STK17B: variants seen among roughly 807,000 people sequenced by gnomAD.
STK17B encodes serine/threonine kinase 17b, also known as serine/threonine-protein kinase 17B.
In STK17B, 21 loss-of-function variants were observed where a neutral mutation model predicts 42.0. The ratio of observed to expected loss-of-function variants is 0.50; its 90% CI spans 0.35 to 0.72. The LOEUF (loss-of-function observed/expected upper bound fraction) is 0.72, where lower values mean the gene tolerates loss of function less well. Among genes scored for constraint, STK17B ranks in the 30% least tolerant of loss-of-function variants. The probability of loss-of-function intolerance (pLI) is 0.00; values close to 1 mark genes in which losing one functional copy is unlikely to be tolerated. For missense variants in STK17B, 349 were observed against 446.0 expected, an observed-to-expected ratio of 0.78 and a Z score of 1.96; for synonymous variants, 143 against 148.4, an observed-to-expected ratio of 0.96 and a Z score of 0.26.
chr2:196,146,109 T>C (rs1699570613), intron 3 of STK17B, 54 bp from the exon 4 acceptor site: 4 of 1,479,960 alleles, frequency 2.7e-6, no homozygotes, highest in African/African-American at 1.4e-5. Flanking sequence ...CTAAACACTT[T>C]TAAATATTGT....
At chr2:196,153,235 C>A (rs1699690560) in intron 3 of STK17B, 1 of 41,822 alleles carries the variant, frequency 2.4e-5, no homozygotes, top group African/African-American at 5.9e-5. Context: ...GGACTATAGT[C>A]TAAGTGCAAA....
intron 1 of STK17B, among the ~76,000 whole-genome samples, chr2:196,165,384 G>C (rs1699864469): frequency 6.6e-6 from 1 of 152,134 alleles, no homozygotes; most frequent in South Asian, 2.1e-4. Flanking sequence ...TATTTAAAAA[G>C]AAAACAAAAT....
At chr2:196,150,191 A>T (rs1699645740) in intron 3 of STK17B, among the ~76,000 whole-genome samples, 1 of 151,436 alleles carries the variant, frequency 6.6e-6, no homozygotes, top group African/African-American at 2.4e-5. Context: ...AAAAAAAAAA[A>T]AAAAAAAAAA....
chr2:196,167,967 T>C (rs1163565141), intron 1 of STK17B, among the ~76,000 whole-genome samples: 1 of 152,214 alleles, frequency 6.6e-6, no homozygotes, highest in Non-Finnish European at 1.5e-5. Flanking sequence ...AAGGAAGAAC[T>C]TTCTCCTGGT....
upstream of STK17B, among the ~76,000 whole-genome samples, chr2:196,172,738 G>A (rs115433611): frequency 6.6e-6 from 1 of 152,332 alleles, no homozygotes; most frequent in Non-Finnish European, 1.5e-5. Context: ...CCTAAACCTT[G>A]TCAAATGGAG....
At chr2:196,161,675 T>C (rs1283573297) in intron 2 of STK17B, among the ~76,000 whole-genome samples, 4 of 151,846 alleles carry the variant, frequency 2.6e-5, no homozygotes, top group Non-Finnish European at 1.5e-5. Flanking sequence ...CACGCCACCA[T>C]GCCTGGCTAA....
At chr2:196,153,619 C>CA (rs1699698182) in intron 3 of STK17B, 2 of 152,134 alleles carry the variant, frequency 1.3e-5, no homozygotes, top group Admixed American at 1.3e-4. Flanking sequence ...CAGAACTTCT[C>CA]AGAGAGATGG....
At chr2:196,139,068 G>A (rs956584657) in intron 7 of STK17B, among the ~76,000 whole-genome samples, 11 of 151,794 alleles carry the variant, frequency 7.2e-5, no homozygotes, top group African/African-American at 2.4e-4. Context: ...CCGGATTCAC[G>A]CCATTCTGCC....
chr2:196,173,931 C>T (rs994314342), upstream of STK17B, among the ~76,000 whole-genome samples: 9 of 152,070 alleles, frequency 5.9e-5, no homozygotes, highest in South Asian at 4.2e-4. Context: ...ATATGAGTGG[C>T]CCCTGATCCA....
intron 3 of STK17B, among the ~76,000 whole-genome samples, chr2:196,149,127 G>C (rs1699624991): frequency 6.6e-6 from 1 of 151,654 alleles, no homozygotes; most frequent in South Asian, 2.1e-4. Context: ...TTATCACAGT[G>C]TCTGACACAC....
chr2:196,154,629 A>G (rs13025968), intron 3 of STK17B: 1 of 152,000 alleles, frequency 6.6e-6, no homozygotes, highest in African/African-American at 2.4e-5. Flanking sequence ...GGGAAGAAAA[A>G]GTGTGTAGGA....
At chr2:196,147,793 G>A (rs911989832) in intron 3 of STK17B, among the ~76,000 whole-genome samples, 2 of 150,018 alleles carry the variant, frequency 1.3e-5, no homozygotes, top group Admixed American at 6.7e-5. Flanking sequence ...GTGCAGTGGC[G>A]CCATCTCGGC....
chr2:196,173,876 G>A (rs1398780438), upstream of STK17B, among the ~76,000 whole-genome samples: 1 of 152,150 alleles, frequency 6.6e-6, no homozygotes, highest in Non-Finnish European at 1.5e-5. Flanking sequence ...ATGACCGTAT[G>A]TGGAGATAGG....
upstream of STK17B, among the ~76,000 whole-genome samples, chr2:196,172,542 G>A (rs1699961013): frequency 6.6e-6 from 1 of 152,204 alleles, no homozygotes; most frequent in Admixed American, 6.5e-5. Flanking sequence ...TGTTCAGTTA[G>A]CATATAAAGG....
intron 4 of STK17B, among the ~76,000 whole-genome samples, chr2:196,144,879 A>C (rs1054846908): frequency 2.0e-5 from 3 of 152,142 alleles, no homozygotes; most frequent in Admixed American, 6.5e-5. Context: ...TTATTACTAA[A>C]GCACAGAGCC....
intron 5 of STK17B, among the ~76,000 whole-genome samples, chr2:196,142,351 C>A (rs1034083827): frequency 1.3e-5 from 2 of 152,160 alleles, no homozygotes; most frequent in African/African-American, 2.4e-5. Flanking sequence ...AGCCACTGCA[C>A]CCAGCCAGAA....
intron 3 of STK17B, among the ~76,000 whole-genome samples, chr2:196,147,789 T>C (rs188705389): frequency 0.02 from 2,956 of 151,106 alleles, 48 homozygotes; most frequent in Non-Finnish European, 0.03. Flanking sequence ...TGGAGTGCAG[T>C]GGCGCCATCT....
upstream of STK17B, among the ~76,000 whole-genome samples, chr2:196,173,079 C>T (rs1389842397): frequency 6.6e-6 from 1 of 152,058 alleles, no homozygotes; most frequent in Non-Finnish European, 1.5e-5. Flanking sequence ...TCACACTCAC[C>T]CCATACTCCC....
intron 6 of STK17B, among the ~76,000 whole-genome samples, chr2:196,140,389 G>A (rs1699476334): frequency 1.3e-5 from 2 of 152,104 alleles, no homozygotes; most frequent in South Asian, 4.1e-4. Flanking sequence ...CCTTCCACTT[G>A]GTCTGAGGAG....
Sources: allele counts gnomAD v4.1 joint callset (sites outside exome capture counted in the v4.1 genomes callset), GRCh38; gene constraint gnomAD v4.1.1; transcripts MANE v1.5; gene names NCBI Gene and HGNC (gene_info 2026-07-23, HGNC 2026-07-21).